The following NRIP2 variants were observed in gnomAD, a reference collection of about 807,000 sequenced individuals.
NRIP2 encodes nuclear receptor interacting protein 2.
NRIP2 carries 27 observed loss-of-function variants against 34.1 expected under a neutral mutation model. The ratio of observed to expected loss-of-function variants is 0.79; its 90% CI spans 0.58 to 1.09. The LOEUF is 1.09. Ranked by LOEUF, NRIP2 falls within the 50% of genes least tolerant of loss-of-function variation. The pLI is 0.00. For missense variants in NRIP2, 385 were observed against 352.6 expected (o/e 1.09, Z -0.74); for synonymous variants, 145 against 146.9 (o/e 0.99, Z 0.09).
Position 2,827,447 on chromosome 12 carries a change from G to A in NRIP2, c.754-148C>T. 2.0e-6 allele frequency: 3 copies of A among 1,527,270 alleles called. No individual in the cohort carries two copies. Among genetic ancestry groups the A allele is most frequent in the Admixed American group, 4.4e-5 (2 of 45,610 alleles). 94.6% of individuals were successfully genotyped at this position (1,527,270 alleles called of 1,614,324 possible). On this transcript the variant is annotated intron_variant, in intron 5 of 5. Transcript: ENST00000337508. The surrounding 1 kb of genome is among the most constrained non-coding windows in gnomAD (Gnocchi z 4.0). ...CCATTTCCCTAGACTCCTGTTGAAG[G>A]GGGTGACCCAGTTCTCTTGATTTTT... is the stretch of plus-strand genomic sequence containing the variant.
chr12:2,828,842 C>T (rs141598358), intron 2 of NRIP2, among the ~76,000 whole-genome samples: 282 of 152,014 alleles, frequency 1.9e-3, no homozygotes, highest in South Asian at 8.3e-3. Flanking sequence ...AACTCTGTCT[C>T]AAAACAAACA....
In NRIP2 at chr12:2,828,000, C is replaced by T; in HGVS notation, c.626G>A (p.Gly209Glu). 1.9e-6 allele frequency: 3 copies of T among 1,614,194 alleles called. No individual in the cohort carries two copies. The highest frequency in any genetic ancestry group is 1.7e-6 in the Non-Finnish European group (2 of 1,180,032). ...CAACTGCTCCACCTGGGTTGGGGGC[C>T]CAGGGGCCAGGTCCCCAGCTGAGGC... ...LKASAGDLAP[G>E]PPTQVEQLEL... Residue 209 changes from glycine (G) to glutamate (E), a missense_variant, in exon 4 of 6, where the codon GGG becomes GAG. By Grantham distance (98) the Gly-to-Glu change is moderately conservative. Coordinates refer to ENST00000337508, the MANE Select transcript of NRIP2 (RefSeq NM_031474.3). This position sits in a 1 kb window ranked among gnomAD's most constrained non-coding sequence, Gnocchi z 4.0.
intron 2 of NRIP2, 182 bp downstream of exon 2, chr12:2,830,526 G>A (rs1421629124): frequency 1.0e-5 from 6 of 572,190 alleles, no homozygotes; most frequent in South Asian, 5.1e-5. Context: ...GAGTTGCACC[G>A]AGGAGACATG....
Position 2,830,692 on chromosome 12 carries a change from C to T in NRIP2, c.495+16G>A, listed in dbSNP as rs2097997005. The stretch of plus-strand genomic sequence containing the variant: ...CAGGGTTGTTAATGAAAGTGTGTCC[C>T]TGGGAGGCCTCTCACCTTGCAGTTG... On this transcript the variant is annotated intron_variant, in intron 2 of 5. Coordinates refer to ENST00000337508, the MANE Select transcript of NRIP2 (RefSeq NM_031474.3). The T allele has an allele frequency of 1.9e-6, 3 of 1,601,824 alleles. No individual in the cohort carries two copies. Among genetic ancestry groups the T allele is most frequent in the Non-Finnish European group, 2.6e-6 (3 of 1,174,532 alleles).
chr12:2,830,878 C>T lies in NRIP2; in HGVS notation c.343-18G>A. ...CGCGGCTGCTGGCTCCATCACAAAA[C>T]AATGAAGGTAGGCAGTTCTAAACCC... On this transcript the variant is annotated intron_variant, in intron 1 of 5. Transcript: ENST00000337508. 1 of 1,609,646 alleles carries T rather than the reference C, an allele frequency of 6.2e-7. No homozygotes were observed. Among genetic ancestry groups the T allele is most frequent in the South Asian group, 1.1e-5 (1 of 90,292 alleles).
rs140560111 is a variant in NRIP2, at chr12:2,834,763, C to G, written c.221G>C (p.Arg74Pro). 2.8e-5 allele frequency: 45 copies of G among 1,613,864 alleles called. No homozygotes were observed. In the East Asian group the frequency reaches 6.2e-4, roughly 22 times the overall value. ...ARTRGQEAQLRDRAHLSQQRR... is the reference protein window; with the variant it reads ...ARTRGQEAQLPDRAHLSQQRR... ...CTGCTGGCTCAGGTGGGCTCGGTCT[C>G]GAAGCTGTGCCTCCTGCCCCCTCGT... Residue 74 changes from arginine to proline, a missense_variant, in exon 1 of 6, where the codon CGA becomes CCA. Coordinates refer to ENST00000337508, the MANE Select transcript of NRIP2 (RefSeq NM_031474.3).
Position 2,834,969 on chromosome 12 carries a change from A to G in NRIP2, c.15T>C (p.Phe5=), listed in dbSNP as rs754264163. 1.3e-6 allele frequency: 2 copies of G among 1,583,216 alleles called. No homozygotes were observed. Among genetic ancestry groups the G allele is most frequent in the Non-Finnish European group, 1.7e-6 (2 of 1,164,984 alleles). MLFI[F]PLSLPWRPSC... ...AGGGTCTCCACGGGAGGGAAAGAGG[A>G]AAAATAAATAACATGCAGGAGCAGC... The change falls in exon 1 of 6, where the codon TTT becomes TTC. Residue 5 remains phenylalanine, a synonymous_variant. Transcript: ENST00000337508.
rs112130916 is a variant in NRIP2 at position 2,828,067 on chromosome 12, G to A, written c.579-20C>T. On this transcript the variant is annotated intron_variant, in intron 3 of 5. Transcript: ENST00000337508. Reference sequence around the variant, plus strand: ...TCTAACCTGTGGTTGGGAAGCAAGGGTTATGGCTACCACAGCCCCTAGAGG... The same window carrying A: ...TCTAACCTGTGGTTGGGAAGCAAGGATTATGGCTACCACAGCCCCTAGAGG... The A allele has an allele frequency of 1.9e-6, 3 of 1,601,344 alleles. No homozygotes were observed. The highest frequency in any genetic ancestry group is 2.2e-5 in the East Asian group (1 of 44,810).
At position 2,825,760 on chromosome 12, in the gene NRIP2, C is replaced by T. The variant is rs977053253; in HGVS notation, c.*1447G>A. The T allele has an allele frequency of 2.6e-5, 4 of 152,280 alleles. No homozygotes were observed. Among genetic ancestry groups the T allele is most frequent in the African/African-American group, 4.8e-5 (2 of 41,426 alleles). The allele number at this position is 152,280 out of a possible 1,614,324, so 9.4% of individuals were successfully genotyped here. Reference sequence around the variant, plus strand: ...TTAGCTGTACCACTGTCTTTCTCTGCTCCTTTTTTGTTTGTTTTTGGAGAC... The same window carrying T: ...TTAGCTGTACCACTGTCTTTCTCTGTTCCTTTTTTGTTTGTTTTTGGAGAC... On this transcript the variant is annotated 3_prime_UTR_variant, in exon 6 of 6. Coordinates refer to ENST00000337508, the MANE Select transcript of NRIP2 (RefSeq NM_031474.3).
chr12:2,834,767 G>A lies in NRIP2; in HGVS notation c.217C>T (p.Leu73Phe). 6.2e-7 allele frequency: 1 copy of A among 1,613,940 alleles called. No individual in the cohort carries two copies. Among genetic ancestry groups the A allele is most frequent in the Non-Finnish European group, 8.5e-7 (1 of 1,179,986 alleles). The change falls in exon 1 of 6, where the codon CTT becomes TTT. Residue 73 changes from leucine to phenylalanine, a missense_variant. By Grantham distance (22) the Leu-to-Phe change is conservative. Coordinates refer to ENST00000337508, the MANE Select transcript of NRIP2 (RefSeq NM_031474.3). ...TGGCTCAGGTGGGCTCGGTCTCGAA[G>A]CTGTGCCTCCTGCCCCCTCGTCCTG... is the stretch of plus-strand genomic sequence containing the variant. ...EARTRGQEAQ[L>F]RDRAHLSQQR... is the part of the protein sequence containing the mutation.
intron 2 of NRIP2, 61 bp downstream of exon 2, chr12:2,830,647 G>T (rs2097996681): frequency 6.6e-7 from 1 of 1,520,144 alleles, no homozygotes; most frequent in African/African-American, 1.4e-5. Context: ...AGAAAGGAGA[G>T]CAGGTGAAGT....
In NRIP2 at chr12:2,827,395, C is replaced by T. The variant is rs1603483746; in HGVS notation, c.754-96G>A. 1 of 1,528,188 alleles carries T rather than the reference C, an allele frequency of 6.5e-7. No homozygotes were observed. Among genetic ancestry groups the T allele is most frequent in the Non-Finnish European group, 8.7e-7 (1 of 1,144,204 alleles). The allele number at this position is 1,528,188 out of a possible 1,614,324, so 94.7% of individuals were successfully genotyped here. ...TCCCCCTCCCACTTCCCACAGCTTC[C>T]ACCTGCCTTTTGCTCTTCCCCCATC... On this transcript the variant is annotated intron_variant, in intron 5 of 5. Transcript: ENST00000337508. This position sits in a 1 kb window ranked among gnomAD's most constrained non-coding sequence, Gnocchi z 4.0.
At position 2,827,077 on chromosome 12, in the gene NRIP2, G is replaced by C; in HGVS notation, c.*130C>G. 1 of 1,506,666 alleles carries C rather than the reference G, an allele frequency of 6.6e-7. No homozygotes were observed. The highest frequency in any genetic ancestry group is 8.8e-7 in the Non-Finnish European group (1 of 1,136,424). The allele number at this position is 1,506,666 out of a possible 1,614,324, so 93.3% of individuals were successfully genotyped here. On this transcript the variant is annotated 3_prime_UTR_variant, in exon 6 of 6. Transcript: ENST00000337508. The surrounding 1 kb of genome is among the most constrained non-coding windows in gnomAD (Gnocchi z 4.0). ...GCCAGCTGGGGAAAATGGGACAGCA[G>C]GGGTCAGGGAGGTGATTGGAAGGGC...
At position 2,827,182 on chromosome 12, in the gene NRIP2, C is replaced by A. The variant is rs1230176737; in HGVS notation, c.*25G>T. 6.2e-7 allele frequency: 1 copy of A among 1,613,954 alleles called. No homozygotes were observed. On this transcript the variant is annotated 3_prime_UTR_variant, in exon 6 of 6. Coordinates refer to ENST00000337508, the MANE Select transcript of NRIP2 (RefSeq NM_031474.3). The surrounding 1 kb of genome is among the most constrained non-coding windows in gnomAD (Gnocchi z 4.0). Reference sequence around the variant, plus strand: ...TCTTCTTCTAAGGCAAGGTCTTTCCCTCTGGGGACTGACTGAGACAGCAGT... The same window carrying A: ...TCTTCTTCTAAGGCAAGGTCTTTCCATCTGGGGACTGACTGAGACAGCAGT...
rs770467035 is a variant in NRIP2 at position 2,827,639 on chromosome 12, G to C, written c.739C>G (p.Leu247Val). ...GGGTGCCTTACCTTGAGAGAAAGCAGAGTCTGCAGGCCCAGGCAGAATTCA... is the reference window on the plus strand; with the variant it reads ...GGGTGCCTTACCTTGAGAGAAAGCACAGTCTGCAGGCCCAGGCAGAATTCA... ...SPEFCLGLQT[L>V]LSLKCCIDLE... Residue 247 changes from leucine to valine, a missense_variant, in exon 5 of 6, where the codon CTG (leucine) becomes GTG (valine). Physicochemically the swap from Leu to Val is conservative, Grantham distance 32 (BLOSUM62 1). Coordinates refer to ENST00000337508, the MANE Select transcript of NRIP2 (RefSeq NM_031474.3). This position sits in a 1 kb window ranked among gnomAD's most constrained non-coding sequence, Gnocchi z 4.0. The C allele has an allele frequency of 3.1e-6, 5 of 1,614,196 alleles. No homozygotes were observed. In the East Asian group the frequency reaches 1.1e-4, roughly 36 times the overall value.
Position 2,827,812 on chromosome 12 carries a change from C to T in NRIP2, c.700+114G>A. ...CACTGGCACAGAGATGGGGGATAGT[C>T]AGAACATCTCTGGGAACTCCTCGTG... On this transcript the variant is annotated intron_variant, in intron 4 of 5. Transcript: ENST00000337508. This position sits in a 1 kb window ranked among gnomAD's most constrained non-coding sequence, Gnocchi z 4.0. 6.2e-7 allele frequency: 1 copy of T among 1,602,630 alleles called. No homozygotes were observed. Among genetic ancestry groups the T allele is most frequent in the Non-Finnish European group, 8.5e-7 (1 of 1,174,974 alleles).
rs775484394 is a variant in NRIP2, at chr12:2,830,782, C to T, written c.421G>A (p.Asp141Asn). The T allele has an allele frequency of 1.5e-5, 24 of 1,613,790 alleles. No homozygotes were observed. Among genetic ancestry groups the T allele is most frequent in the Non-Finnish European group, 2.0e-5 (24 of 1,179,912 alleles). ...WLQGEPPRMQDLIHGQESRRK... is the reference protein window; with the variant it reads ...WLQGEPPRMQNLIHGQESRRK... ...CTGCTCTCCTGGCCATGAATCAGGT[C>T]CTGCATCCGGGGAGGCTCCCCCTGA... Residue 141 changes from aspartate to asparagine, a missense_variant, in exon 2 of 6, where the codon GAC becomes AAC. Asp to Asn is a conservative substitution (Grantham distance 23). Transcript: ENST00000337508.
chr12:2,827,389 A>G lies in NRIP2; in HGVS notation c.754-90T>C. On this transcript the variant is annotated intron_variant, in intron 5 of 5. Coordinates refer to ENST00000337508, the MANE Select transcript of NRIP2 (RefSeq NM_031474.3). This position sits in a 1 kb window ranked among gnomAD's most constrained non-coding sequence, Gnocchi z 4.0. Reference sequence around the variant, plus strand: ...TTTTGTTCCCCCTCCCACTTCCCACAGCTTCCACCTGCCTTTTGCTCTTCC... The same window carrying G: ...TTTTGTTCCCCCTCCCACTTCCCACGGCTTCCACCTGCCTTTTGCTCTTCC... The G allele has an allele frequency of 1.3e-6, 2 of 1,530,304 alleles. No homozygotes were observed. Among genetic ancestry groups the G allele is most frequent in the Non-Finnish European group, 1.7e-6 (2 of 1,144,846 alleles). 94.8% of individuals were successfully genotyped at this position (1,530,304 alleles called of 1,614,324 possible).
intron 1 of NRIP2, among the ~76,000 whole-genome samples, chr12:2,831,477 G>A (rs1053270257): frequency 7.9e-5 from 12 of 151,830 alleles, no homozygotes; most frequent in Admixed American, 1.3e-4. Flanking sequence ...CCAGCTACTC[G>A]GGAGGCTGAA....
Sources: allele counts gnomAD v4.1 joint callset (sites outside exome capture counted in the v4.1 genomes callset), GRCh38; gene constraint gnomAD v4.1.1; non-coding constraint Gnocchi (gnomAD v3.1); transcripts MANE v1.5; gene names NCBI Gene and HGNC (gene_info 2026-07-23, HGNC 2026-07-21).